The following PTPN14 variants were observed in gnomAD, a reference collection of about 807,000 sequenced individuals.
PTPN14 encodes the protein tyrosine-protein phosphatase non-receptor type 14.
A neutral mutation model predicts 126.8 loss-of-function variants in PTPN14; 53 were observed. The observed-to-expected ratio is 0.42, with a 90% CI of 0.34 to 0.53. The LOEUF (loss-of-function observed/expected upper bound fraction) is 0.53. Among genes scored for constraint, PTPN14 ranks in the 20% least tolerant of loss-of-function variants. The probability of loss-of-function intolerance (pLI) is 0.08; values close to 1 mark genes in which losing one functional copy is unlikely to be tolerated. For synonymous variants in PTPN14, 630 were observed against 599.3 expected, an observed-to-expected ratio of 1.05 and a Z score of -0.75; for missense variants, 1,257 against 1,552.9, an observed-to-expected ratio of 0.81 and a Z score of 3.20.
intron 1 of PTPN14, among the ~76,000 whole-genome samples, chr1:214,503,451 T>C (rs1173679462): frequency 3.9e-5 from 6 of 152,374 alleles, no homozygotes; most frequent in African/African-American, 2.4e-5. Flanking sequence ...TTATGTCTAA[T>C]ATGTAGACGT....
intron 17 of PTPN14, 135 bp downstream of exon 17, chr1:214,369,322 A>T: frequency 1.3e-6 from 1 of 750,014 alleles, no homozygotes; most frequent in Non-Finnish European, 2.2e-6. Context: ...AGAAAGGAAT[A>T]TATATTTCAA....
intron 3 of PTPN14, among the ~76,000 whole-genome samples, chr1:214,431,295 G>T (rs1037419925): frequency 1.3e-5 from 2 of 152,210 alleles, no homozygotes; most frequent in Non-Finnish European, 2.9e-5. Context: ...ATGCTTTAGA[G>T]TTGGTATGTA....
intron 1 of PTPN14, among the ~76,000 whole-genome samples, chr1:214,525,694 C>G (rs1356207052): frequency 2.0e-5 from 3 of 152,122 alleles, no homozygotes; most frequent in African/African-American, 7.2e-5. Flanking sequence ...TCATATTCTA[C>G]TAGATCAACT....
chr1:214,469,667 T>C (rs570758932), intron 1 of PTPN14, among the ~76,000 whole-genome samples: 7 of 152,136 alleles, frequency 4.6e-5, no homozygotes, highest in Admixed American at 1.3e-4. Flanking sequence ...GTAATTTTTT[T>C]TTTTAAGAGA....
intron 1 of PTPN14, among the ~76,000 whole-genome samples, chr1:214,542,485 A>G (rs58658851): frequency 0.3 from 46,116 of 152,004 alleles, 8,066 homozygotes; most frequent in African/African-American, 0.48. Flanking sequence ...AGGCAGGGAC[A>G]TGGGGGAGTG....
intron 1 of PTPN14, among the ~76,000 whole-genome samples, chr1:214,499,218 C>G (rs1654618513): frequency 6.6e-6 from 1 of 151,900 alleles, no homozygotes; most frequent in Non-Finnish European, 1.5e-5. Flanking sequence ...GAAACTGCAC[C>G]ACAGAGAGGT....
At chr1:214,444,317 T>C (rs959538992) in intron 3 of PTPN14, among the ~76,000 whole-genome samples, 5 of 152,174 alleles carry the variant, frequency 3.3e-5, no homozygotes, top group African/African-American at 1.2e-4. Flanking sequence ...AAGAGAACAA[T>C]TTCCCATTCA....
chr1:214,399,558 T>C (rs933950981), intron 7 of PTPN14, among the ~76,000 whole-genome samples: 5 of 152,226 alleles, frequency 3.3e-5, no homozygotes, highest in Admixed American at 1.3e-4. Context: ...AGGAGACCTG[T>C]CCCTACCACT....
intron 3 of PTPN14, among the ~76,000 whole-genome samples, chr1:214,438,406 C>G (rs1316516004): frequency 6.6e-6 from 1 of 152,184 alleles, no homozygotes; most frequent in Non-Finnish European, 1.5e-5. Context: ...GGGAACCTCC[C>G]TGGGAATACA....
chr1:214,533,704 G>A (rs1376538781), intron 1 of PTPN14, among the ~76,000 whole-genome samples: 1 of 151,982 alleles, frequency 6.6e-6, no homozygotes, highest in East Asian at 1.9e-4. Context: ...GGGCGTGGTG[G>A]CGGGCGCCTG....
At chr1:214,465,951 C>CTTTTTCTTTTTTTTTTTTT (rs1660625365) in intron 1 of PTPN14, among the ~76,000 whole-genome samples, 2 of 59,024 alleles carry the variant, frequency 3.4e-5, no homozygotes, top group Non-Finnish European at 5.8e-5. Flanking sequence ...CAGTTACTTC[C>CTTTTTCTTTTTTTTTTTTT]TTTTTTTTTT....
chr1:214,534,769 T>C (rs2102475375), intron 1 of PTPN14, among the ~76,000 whole-genome samples: 1 of 140,922 alleles, frequency 7.1e-6, no homozygotes, highest in Non-Finnish European at 1.5e-5. Flanking sequence ...CCCGAATCTT[T>C]GCTCCCTTCC....
intron 10 of PTPN14, among the ~76,000 whole-genome samples, chr1:214,392,132 C>T (rs998205383): frequency 9.9e-5 from 15 of 152,004 alleles, no homozygotes; most frequent in African/African-American, 3.6e-4. Context: ...AGGGATGCCC[C>T]AGGCCATAAC....
chr1:214,477,524 CCTGT>C (rs1168888294), intron 1 of PTPN14, among the ~76,000 whole-genome samples: 1 of 152,138 alleles, frequency 6.6e-6, no homozygotes, highest in Non-Finnish European at 1.5e-5. Context: ...AGAAAAAGAA[CCTGT>C]CTAATGCTAA....
Position 214,384,671 on chromosome 1 carries a change from T to C in PTPN14, c.1184A>G (p.Asn395Ser). ...GAAACTTTGCGAGCAGTTGAGGGAG[T>C]TGACGCTGTGAACGCTACACACGCT... ...NGSVCSVHSV[N>S]SLNCSQSFIQ... The change falls in exon 13 of 19, where the codon AAC becomes AGC. Residue 395 changes from asparagine to serine, a missense_variant. Physicochemically the swap from Asn to Ser is conservative, Grantham distance 46 (BLOSUM62 1). Around this residue, in one of 3 missense-constraint regions of PTPN14, gnomAD observed 1,021 missense variants for 1,183.3 expected, o/e 0.86. Coordinates refer to ENST00000366956, the MANE Select transcript of PTPN14 (RefSeq NM_005401.5). The surrounding 1 kb of genome is among the most constrained non-coding windows in gnomAD (Gnocchi z 5.3). 2.5e-6 allele frequency: 4 copies of C among 1,613,542 alleles called. No individual in the cohort carries two copies. The highest frequency in any genetic ancestry group is 1.1e-5 in the South Asian group (1 of 91,024).
At chr1:214,440,127 C>T (rs1043434900) in intron 3 of PTPN14, among the ~76,000 whole-genome samples, 2 of 152,216 alleles carry the variant, frequency 1.3e-5, no homozygotes, top group African/African-American at 4.8e-5. Flanking sequence ...TCACCTAAAA[C>T]CATTCCAGAA....
chr1:214,363,988 G>T (rs1658013045), intron 18 of PTPN14, among the ~76,000 whole-genome samples: 2 of 152,160 alleles, frequency 1.3e-5, no homozygotes, highest in South Asian at 4.1e-4. Context: ...ATGTTTGCGT[G>T]CTCAAAGTAT....
intron 2 of PTPN14, among the ~76,000 whole-genome samples, chr1:214,454,874 AG>A (rs1276131213): frequency 6.6e-6 from 1 of 152,170 alleles, no homozygotes; most frequent in African/African-American, 2.4e-5. Context: ...GGTAATCTGG[AG>A]GACAGAGTTT....
At chr1:214,548,284 A>G (rs368673851) in intron 1 of PTPN14, among the ~76,000 whole-genome samples, 3 of 152,210 alleles carry the variant, frequency 2.0e-5, no homozygotes, top group East Asian at 3.8e-4. Context: ...CAGCCAGGAA[A>G]AGCTACAGAA....
Sources: allele counts gnomAD v4.1 joint callset (sites outside exome capture counted in the v4.1 genomes callset), GRCh38; gene constraint gnomAD v4.1.1; regional missense constraint gnomAD v4.1.1; non-coding constraint Gnocchi (gnomAD v3.1); transcripts MANE v1.5; gene names NCBI Gene and HGNC (gene_info 2026-07-23, HGNC 2026-07-21).